CHUK: variants seen among roughly 807,000 people sequenced by gnomAD.
CHUK encodes the protein inhibitor of nuclear factor kappa-B kinase subunit alpha.
CHUK carries 35 observed loss-of-function variants against 104.8 expected under a neutral mutation model. The observed-to-expected ratio is 0.33, with a 90% confidence interval of 0.26 to 0.44. CHUK has a LOEUF of 0.44. CHUK is among the 20% of genes least tolerant of loss of function. CHUK has a pLI of 1.00. For synonymous variants in CHUK, 276 were observed against 291.9 expected (o/e 0.95, Z 0.56); for missense variants, 663 against 902.7 (o/e 0.73, Z 3.40).
intron 1 of CHUK, 60 bp from the exon 2 acceptor site, chr10:100,226,077 T>C (rs894821731): frequency 2.0e-5 from 20 of 996,916 alleles, no homozygotes; most frequent in Non-Finnish European, 3.2e-5. Flanking sequence ...ATTTATTTGC[T>C]ACCAAAGAAA....
intron 18 of CHUK, 138 bp from the exon 19 acceptor site, chr10:100,193,569 T>C: frequency 2.0e-6 from 2 of 1,012,004 alleles, no homozygotes; most frequent in Non-Finnish European, 3.0e-6. Context: ...TACAAAACTA[T>C]TCCCACCTTT....
At chr10:100,202,637 T>C (rs1845497011) in intron 13 of CHUK, among the ~76,000 whole-genome samples, 1 of 152,216 alleles carries the variant, frequency 6.6e-6, no homozygotes, top group African/African-American at 2.4e-5. Flanking sequence ...TAAGTTTCCA[T>C]TGCTTAAGCC....
Position 100,204,622 on chromosome 10 carries a change from TTTG to T in CHUK, c.1388_1390del (p.Thr463del). On this transcript the variant is annotated inframe_deletion, in exon 13 of 21. Transcript: ENST00000370397. ...TGCTGAGATCAAAGTGTTCTTCATT[TTTG>T]TTAAGTTAGCATTATATCTAAGAAG... 6.2e-7 allele frequency: 1 copy of T among 1,613,044 alleles called. No individual in the cohort carries two copies. Among genetic ancestry groups the T allele is most frequent in the Non-Finnish European group, 8.5e-7 (1 of 1,179,208 alleles).
chr10:100,216,293 A>G (rs1247896220), intron 9 of CHUK, among the ~76,000 whole-genome samples: 1 of 152,164 alleles, frequency 6.6e-6, no homozygotes, highest in Non-Finnish European at 1.5e-5. Context: ...TTCCTAACAC[A>G]CTGAGGGATA....
chr10:100,226,046 AAAAAT>A (rs752178769), intron 1 of CHUK, 29 bp from the exon 2 acceptor site: 2 of 1,322,020 alleles, frequency 1.5e-6, no homozygotes, highest in Admixed American at 3.4e-5. Context: ...AACAGAAAAA[AAAAAT>A]TAGGTTCTTG....
intron 1 of CHUK, 46 bp from the exon 2 acceptor site, chr10:100,226,063 G>T: frequency 8.7e-7 from 1 of 1,143,600 alleles, no homozygotes; most frequent in Non-Finnish European, 1.3e-6. Context: ...AGGTTCTTGT[G>T]AAGATTTATT....
At chr10:100,187,283 G>A (rs540100854), downstream of CHUK, 30 of 152,324 alleles carry the variant, frequency 2.0e-4, no homozygotes, top group African/African-American at 6.7e-4. Flanking sequence ...TGCAGGCCCA[G>A]GGTTACTTAG....
At chr10:100,204,749 A>C (rs553285925) in intron 12 of CHUK, 92 bp from the exon 13 acceptor site, 3 of 1,065,614 alleles carry the variant, frequency 2.8e-6, no homozygotes, top group Non-Finnish European at 2.8e-6. Context: ...AAACTGCCAC[A>C]AGGCCAAAGC....
chr10:100,209,760 T>C lies in CHUK; in HGVS notation c.963A>G (p.Ala321=). 1 of 1,505,550 alleles carries C rather than the reference T, an allele frequency of 6.6e-7. No homozygotes were observed. The highest frequency in any genetic ancestry group is 9.2e-7 in the Non-Finnish European group (1 of 1,081,232). 93.3% of individuals were successfully genotyped at this position (1,505,550 alleles called of 1,614,324 possible). A position where few individuals can be genotyped will look rare whatever the true frequency, so the allele number is the denominator to read the frequency against. The change falls in exon 10 of 21, where the codon GCA becomes GCG. Residue 321 remains alanine (A), a synonymous_variant. Transcript: ENST00000370397. ...GTGGTAACAGAAAAGAAATTATCTT[T>C]GCAGAAGTCATATTTAGGATGTGTA... ...KIVHILNMTS[A]KIISFLLPPD...
At chr10:100,228,042 T>C (rs913154143) in intron 1 of CHUK, among the ~76,000 whole-genome samples, 2 of 152,202 alleles carry the variant, frequency 1.3e-5, no homozygotes, top group African/African-American at 2.4e-5. Context: ...ATTATGATCA[T>C]AGCAGCAACA....
intron 8 of CHUK, among the ~76,000 whole-genome samples, 190 bp downstream of exon 8, chr10:100,218,528 C>T (rs1348245058): frequency 1.3e-5 from 2 of 152,172 alleles, no homozygotes; most frequent in Non-Finnish European, 1.5e-5. Flanking sequence ...ATTCAAAATT[C>T]GTTCTCTAGC....
chr10:100,202,394 G>A (rs934711445), intron 13 of CHUK, among the ~76,000 whole-genome samples: 4 of 152,318 alleles, frequency 2.6e-5, no homozygotes, highest in East Asian at 1.9e-4. Flanking sequence ...AGTCCAGTAC[G>A]ACCAGTGTAC....
rs17885152 is a variant in CHUK at position 100,227,409 on chromosome 10, TA to T, written c.106-1393del. ...TTACCATAATAAAACAAAAAGTGAT[TA>T]ATTCATCCATCCCCACCCAGGGACC... On this transcript the variant is annotated intron_variant, in intron 1 of 20. Coordinates refer to ENST00000370397, the MANE Select transcript of CHUK (RefSeq NM_001278.5). Among the ~76,000 whole-genome samples the T allele has an allele frequency of 3.0e-3, 457 of 152,316 alleles. 4 individuals are homozygous for T. Among genetic ancestry groups the T allele is most frequent in the African/African-American group, 0.011 (446 of 41,570 alleles).
At chr10:100,216,581 G>A (rs1845860562) in intron 9 of CHUK, among the ~76,000 whole-genome samples, 1 of 152,200 alleles carries the variant, frequency 6.6e-6, no homozygotes, top group South Asian at 2.1e-4. Flanking sequence ...GCGCACACCT[G>A]TAGTCCCATT....
At position 100,205,135 on chromosome 10, in the gene CHUK, G is replaced by A. The variant is rs1381852086; in HGVS notation, c.1296C>T (p.His432=). The A allele has an allele frequency of 3.7e-6, 6 of 1,613,834 alleles. No individual in the cohort carries two copies. In the South Asian group the frequency reaches 4.4e-5, roughly 12 times the overall value. The change falls in exon 12 of 21, where the codon CAC becomes CAT. Residue 432 remains histidine, a synonymous_variant. Coordinates refer to ENST00000370397, the MANE Select transcript of CHUK (RefSeq NM_001278.5). ...AGTCTTCTTTTAGTCCAGACACATA[G>A]TGCACTGCTTCAGCCCACACTTTAC... The part of the protein sequence containing the change: ...QLRKVWAEAV[H]YVSGLKEDYS...
At chr10:100,228,962 T>C (rs909293635) in intron 1 of CHUK, among the ~76,000 whole-genome samples, 1 of 149,184 alleles carries the variant, frequency 6.7e-6, no homozygotes, top group Admixed American at 6.7e-5. Context: ...CCCACTGATA[T>C]CATATGGCCT....
chr10:100,192,501 A>T (rs1396804344), intron 19 of CHUK: 2 of 616,460 alleles, frequency 3.2e-6, no homozygotes, highest in Non-Finnish European at 4.1e-6. Context: ...TTCTCTCATA[A>T]AAGTAGAGTA....
At position 100,194,452 on chromosome 10, in the gene CHUK, A is replaced by G; in HGVS notation, c.1799T>C (p.Val600Ala). 6.2e-7 allele frequency: 1 copy of G among 1,613,438 alleles called. No individual in the cohort carries two copies. The highest frequency in any genetic ancestry group is 8.5e-7 in the Non-Finnish European group (1 of 1,179,404). The change falls in exon 17 of 21, where the codon GTG becomes GCG. Residue 600 changes from valine to alanine, a missense_variant. Transcript: ENST00000370397. ...CAAATGACCAAACAGCTCCTTGAGC[A>G]CACGGTCCTGACTCTGCACAGTGTG... The part of the protein sequence containing the change: ...IVHTVQSQDR[V>A]LKELFGHLSK...
chr10:100,210,091 A>ATTTATTTATTTTTTTTTTTTTTTT (rs58570772), intron 9 of CHUK, among the ~76,000 whole-genome samples: 1 of 121,802 alleles, frequency 8.2e-6, no homozygotes, highest in African/African-American at 3.0e-5. Context: ...TTATTTATTT[A>ATTTATTTATTTTTTTTTTTTTTTT]TTTTTTTTTT....
Sources: gnomAD v4.1 joint callset for allele counts (sites outside exome capture counted in the v4.1 genomes callset) on GRCh38, gnomAD v4.1.1 for gene constraint, MANE v1.5 for transcripts, NCBI Gene and HGNC (gene_info 2026-07-23, HGNC 2026-07-21) for gene names.